WWP2: variants seen among roughly 807,000 people sequenced by gnomAD.
WWP2 encodes the protein WW domain containing E3 ubiquitin protein ligase 2.
A neutral mutation model predicts 121.0 loss-of-function variants in WWP2; 57 were observed. The ratio of observed to expected loss-of-function variants is 0.47; its 90% CI spans 0.38 to 0.59. WWP2 has a LOEUF of 0.59. WWP2 is among the 20% of genes least tolerant of loss of function. The probability of loss-of-function intolerance (pLI) is 0.00; values close to 1 mark genes in which losing one functional copy is unlikely to be tolerated. For missense variants in WWP2, 962 were observed against 1,158.9 expected, an observed-to-expected ratio of 0.83 and a Z score of 2.47; for synonymous variants, 449 against 441.3, an observed-to-expected ratio of 1.02 and a Z score of -0.22.
chr16:69,934,099 C>G lies in WWP2; in HGVS notation c.1812C>G (p.Tyr604Ter). ...ASSINPDHLT[Y>*]FRFIGRFIAM... Reference sequence around the variant, plus strand: ...CCATCAACCCGGACCACCTCACCTACTTTCGCTTTATAGGCAGATTCATCG... The same window carrying G: ...CCATCAACCCGGACCACCTCACCTAGTTTCGCTTTATAGGCAGATTCATCG... The change falls in exon 17 of 24, where the codon TAC (tyrosine) becomes TAG (stop). Residue 604 changes from tyrosine to a stop codon, truncating the protein, a stop_gained. Coordinates refer to ENST00000359154, the MANE Select transcript of WWP2 (RefSeq NM_001270454.2). LOFTEE classifies it high-confidence loss of function. 6.2e-7 allele frequency: 1 copy of G among 1,614,210 alleles called. No homozygotes were observed. The highest frequency in any genetic ancestry group is 8.5e-7 in the Non-Finnish European group (1 of 1,180,020).
At chr16:69,810,283 C>G (rs933862632) in intron 4 of WWP2, among the ~76,000 whole-genome samples, 9 of 132,006 alleles carry the variant, frequency 6.8e-5, no homozygotes, top group African/African-American at 2.6e-4. Flanking sequence ...TCAACCTGGG[C>G]TGACTTCTCT....
At position 69,854,382 on chromosome 16, in the gene WWP2, C is replaced by T. The variant is rs28673794; in HGVS notation, c.575+12262C>T. On this transcript the variant is annotated intron_variant, in intron 6 of 23. Coordinates refer to ENST00000359154, the MANE Select transcript of WWP2 (RefSeq NM_001270454.2). The stretch of plus-strand genomic sequence containing the variant: ...TGAGATGAGGTTCGACTTTTCCTTT[C>T]GGATTCTGTTGGAACTGGATGGCTC... Among the ~76,000 whole-genome samples, 354 of 152,170 alleles carry T rather than the reference C, an allele frequency of 2.3e-3. 3 individuals are homozygous for T. The highest frequency in any genetic ancestry group is 7.5e-3 in the African/African-American group (312 of 41,520).
intron 4 of WWP2, among the ~76,000 whole-genome samples, chr16:69,812,802 T>C (rs1468505826): frequency 1.3e-5 from 2 of 152,276 alleles, no homozygotes; most frequent in South Asian, 2.1e-4. Flanking sequence ...TTGTTTATTA[T>C]TGATGACATT....
At chr16:69,851,951 C>G (rs1472556419) in intron 6 of WWP2, among the ~76,000 whole-genome samples, 1 of 151,804 alleles carries the variant, frequency 6.6e-6, no homozygotes, top group Non-Finnish European at 1.5e-5. Flanking sequence ...CCACTGCACT[C>G]CAGCCTGGCG....
chr16:69,828,884 G>T (rs920220654), intron 4 of WWP2, among the ~76,000 whole-genome samples: 4 of 152,022 alleles, frequency 2.6e-5, no homozygotes, highest in Admixed American at 2.0e-4. Flanking sequence ...CCACAGATTT[G>T]AATCACTTCT....
intron 4 of WWP2, among the ~76,000 whole-genome samples, chr16:69,807,463 A>T (rs540445766): frequency 1.1e-4 from 16 of 151,940 alleles, no homozygotes; most frequent in Non-Finnish European, 2.1e-4. Context: ...ACAAAGATTT[A>T]AAAAAATTAG....
intron 8 of WWP2, among the ~76,000 whole-genome samples, chr16:69,906,355 A>C (rs554582595): frequency 1.6e-4 from 24 of 152,274 alleles, no homozygotes; most frequent in African/African-American, 5.8e-4. Context: ...TACAGGTGTC[A>C]GCCACCGCAC....
rs937621004 is a variant in WWP2 at position 69,888,108 on chromosome 16, C to T, written c.773C>T (p.Ala258Val). Residue 258 changes from alanine to valine, a missense_variant, in exon 8 of 24, where the codon GCT becomes GTT. Physicochemically the swap from Ala to Val is moderately conservative, Grantham distance 64. Transcript: ENST00000359154. ...GTTGTTGGTGTGACGTCCCCACCTG[C>T]TGCACCCTTGAGTGTGACCCCGAAT... The part of the protein sequence containing the change: ...PSVVGVTSPP[A>V]APLSVTPNPN... The T allele has an allele frequency of 6.2e-7, 1 of 1,614,240 alleles. No individual in the cohort carries two copies. Among genetic ancestry groups the T allele is most frequent in the East Asian group, 2.2e-5 (1 of 44,886 alleles).
chr16:69,806,620 C>T (rs755174015), intron 4 of WWP2, among the ~76,000 whole-genome samples: 10 of 151,696 alleles, frequency 6.6e-5, no homozygotes, highest in Admixed American at 2.6e-4. Context: ...TTCTTTGTTT[C>T]GTCTTGACTC....
At chr16:69,871,505 G>A (rs2057635813) in intron 6 of WWP2, among the ~76,000 whole-genome samples, 2 of 152,204 alleles carry the variant, frequency 1.3e-5, no homozygotes, top group Admixed American at 6.5e-5. Context: ...TAAAAATAAT[G>A]TGATGGTCAC....
At chr16:69,842,380 T>A (rs2056995875) in intron 6 of WWP2, among the ~76,000 whole-genome samples, 1 of 152,154 alleles carries the variant, frequency 6.6e-6, no homozygotes, top group South Asian at 2.1e-4. Context: ...GTTTGTTACA[T>A]GGGTATATTG....
At chr16:69,805,237 T>C (rs2056250757) in intron 4 of WWP2, among the ~76,000 whole-genome samples, 1 of 152,092 alleles carries the variant, frequency 6.6e-6, no homozygotes, top group Non-Finnish European at 1.5e-5. Flanking sequence ...GGTTTCATCA[T>C]TAAGGCCAGG....
Position 69,935,502 on chromosome 16 carries a change from TCAGAG to T in WWP2, c.1843-348_1843-344del, listed in dbSNP as rs1243880495. On this transcript the variant is annotated intron_variant, in intron 17 of 23. Coordinates refer to ENST00000359154, the MANE Select transcript of WWP2 (RefSeq NM_001270454.2). This position sits in a 1 kb window ranked among gnomAD's most constrained non-coding sequence, Gnocchi z 5.2. The stretch of plus-strand genomic sequence containing the variant: ...AATCAGGGCTGCCACCTGCAGCTGT[TCAGAG>T]CAAGCCTTTTCTGTGAGCGTGGGGC... Among the ~76,000 whole-genome samples the T allele has an allele frequency of 2.6e-5, 4 of 152,230 alleles. No individual in the cohort carries two copies. Among genetic ancestry groups the T allele is most frequent in the Non-Finnish European group, 5.9e-5 (4 of 68,032 alleles).
intron 8 of WWP2, among the ~76,000 whole-genome samples, chr16:69,896,483 T>G (rs920716328): frequency 6.6e-6 from 1 of 152,170 alleles, no homozygotes; most frequent in Non-Finnish European, 1.5e-5. Context: ...TTGTGTTCCC[T>G]GTACCCAGCA....
intron 6 of WWP2, among the ~76,000 whole-genome samples, chr16:69,847,248 C>G (rs1355605422): frequency 6.6e-6 from 1 of 152,010 alleles, no homozygotes; most frequent in Admixed American, 6.5e-5. Flanking sequence ...CCATGCCCGA[C>G]TAATTTTTGC....
At chr16:69,851,008 AT>A (rs35175050) in intron 6 of WWP2, among the ~76,000 whole-genome samples, 6,976 of 109,474 alleles carry the variant, frequency 0.064, 423 homozygotes, top group African/African-American at 0.23. Context: ...TCACTCTTTA[AT>A]TTTTTTTTTT....
intron 7 of WWP2, among the ~76,000 whole-genome samples, chr16:69,880,012 C>T: frequency 6.6e-6 from 1 of 151,338 alleles, no homozygotes; most frequent in South Asian, 2.1e-4. Flanking sequence ...TTCTTTATGG[C>T]CACATTGGTT....
chr16:69,820,825 T>C (rs201720726), intron 4 of WWP2, among the ~76,000 whole-genome samples: 1,683 of 144,272 alleles, frequency 0.012, 122 homozygotes, highest in African/African-American at 0.021. Flanking sequence ...TACATGCATA[T>C]ACACACACAC....
At chr16:69,909,013 A>G in intron 9 of WWP2, 163 bp downstream of exon 9, 1 of 1,434,530 alleles carries the variant, frequency 7.0e-7, no homozygotes, top group Non-Finnish European at 9.1e-7. Context: ...TATTGCTCCC[A>G]TGTCTTAGGA....
Sources: gnomAD v4.1 joint callset for allele counts (sites outside exome capture counted in the v4.1 genomes callset) on GRCh38, gnomAD v4.1.1 for gene constraint, Gnocchi (gnomAD v3.1) non-coding constraint, MANE v1.5 for transcripts, NCBI Gene and HGNC (gene_info 2026-07-23, HGNC 2026-07-21) for gene names.